Variants in CYRIB observed in about 807,000 individuals in gnomAD.
CYRIB encodes CYFIP-related Rac1 interactor B.
CYRIB carries 8 observed loss-of-function variants against 44.2 expected under a neutral mutation model. That is an observed-to-expected ratio of 0.18 (90% confidence interval 0.11 to 0.33). CYRIB has a LOEUF of 0.33. Among genes scored for constraint, CYRIB ranks in the 10% least tolerant of loss-of-function variants. CYRIB has a pLI of 1.00. For synonymous variants in CYRIB, 131 were observed against 127.2 expected (o/e 1.03, Z -0.20); for missense variants, 185 against 382.8 (o/e 0.48, Z 4.31).
chr8:129,976,101 A>C (rs975612766), intron 1 of CYRIB, among the ~76,000 whole-genome samples: 1 of 152,182 alleles, frequency 6.6e-6, no homozygotes, highest in Admixed American at 6.5e-5. Flanking sequence ...ACAAAAAAAA[A>C]ATTTAAATAA....
chr8:129,921,950 C>A (rs545736819), intron 1 of CYRIB, among the ~76,000 whole-genome samples: 1 of 152,232 alleles, frequency 6.6e-6, no homozygotes, highest in Non-Finnish European at 1.5e-5. Context: ...ATGATGGATA[C>A]AGAAGTATGG....
At chr8:129,984,456 T>C (rs1398507566) in intron 1 of CYRIB, among the ~76,000 whole-genome samples, 2 of 151,888 alleles carry the variant, frequency 1.3e-5, no homozygotes, top group Non-Finnish European at 2.9e-5. Flanking sequence ...CTCATCTCAC[T>C]GGGAAAGAAG....
At chr8:129,980,972 A>T (rs892508945) in intron 1 of CYRIB, among the ~76,000 whole-genome samples, 1 of 151,506 alleles carries the variant, frequency 6.6e-6, no homozygotes, top group African/African-American at 2.4e-5. Flanking sequence ...TAACAGAGTG[A>T]GACACTATCT....
chr8:130,002,836 G>A (rs1031442428), intron 1 of CYRIB, among the ~76,000 whole-genome samples: 6 of 152,146 alleles, frequency 3.9e-5, no homozygotes, highest in African/African-American at 1.4e-4. Context: ...GGTGGCCCAC[G>A]CCTGTAATCC....
intron 2 of CYRIB, among the ~76,000 whole-genome samples, chr8:129,952,953 G>A (rs1355497384): frequency 6.6e-6 from 1 of 152,178 alleles, no homozygotes; most frequent in Non-Finnish European, 1.5e-5. Flanking sequence ...ACTGTTACGT[G>A]TTACTGTTCT....
At chr8:129,990,415 A>G (rs1468842044) in intron 1 of CYRIB, among the ~76,000 whole-genome samples, 1 of 152,184 alleles carries the variant, frequency 6.6e-6, no homozygotes, top group Non-Finnish European at 1.5e-5. Flanking sequence ...CGTAATATGT[A>G]TAATATTTCA....
chr8:129,952,091 G>A lies in CYRIB; in HGVS notation c.-243+18852C>T, dbSNP rs565445801. On this transcript the variant is annotated intron_variant, in intron 2 of 14. Transcript: ENST00000401979. ...ACAGAGCTTCGCTCTTGTTGCCCAG[G>A]CTGAAGTGCAATGGTGCAATCTCGG... Among the ~76,000 whole-genome samples the A allele has an allele frequency of 2.0e-5, 3 of 152,328 alleles. No individual in the cohort carries two copies. In the South Asian group the frequency reaches 6.2e-4, roughly 32 times the overall value.
intron 1 of CYRIB, among the ~76,000 whole-genome samples, chr8:129,922,870 A>T (rs1321522379): frequency 6.6e-6 from 1 of 151,208 alleles, no homozygotes; most frequent in Non-Finnish European, 1.5e-5. Context: ...CTCCAAAAAA[A>T]AAACAAAAAA....
At chr8:129,971,988 A>T (rs1284598945) in intron 1 of CYRIB, among the ~76,000 whole-genome samples, 1 of 152,172 alleles carries the variant, frequency 6.6e-6, no homozygotes, top group Non-Finnish European at 1.5e-5. Flanking sequence ...AAACAGGATG[A>T]CTTTTTCTCT....
At chr8:129,872,824 A>G (rs890962210) in intron 3 of CYRIB, among the ~76,000 whole-genome samples, 7 of 152,074 alleles carry the variant, frequency 4.6e-5, no homozygotes, top group African/African-American at 1.7e-4. Context: ...ATCATATAAA[A>G]TTAGTTAACT....
At chr8:129,973,786 C>A (rs943461990) in intron 1 of CYRIB, among the ~76,000 whole-genome samples, 17 of 152,170 alleles carry the variant, frequency 1.1e-4, no homozygotes, top group African/African-American at 4.1e-4. Flanking sequence ...CATAGTGAGA[C>A]CCTGTCTCTA....
chr8:129,952,508 A>T (rs1218961613), intron 2 of CYRIB, among the ~76,000 whole-genome samples: 1 of 152,240 alleles, frequency 6.6e-6, no homozygotes, highest in East Asian at 1.9e-4. Context: ...AGAGGATCAG[A>T]GAAGGTAAAA....
At chr8:129,925,567 T>C (rs2087099076) in intron 1 of CYRIB, among the ~76,000 whole-genome samples, 1 of 152,184 alleles carries the variant, frequency 6.6e-6, no homozygotes, top group South Asian at 2.1e-4. Flanking sequence ...TTTTCCCTCA[T>C]GTGGTCTCAC....
intron 5 of CYRIB, among the ~76,000 whole-genome samples, chr8:129,862,000 C>T (rs561515520): frequency 3.9e-5 from 6 of 152,066 alleles, no homozygotes; most frequent in African/African-American, 9.6e-5. Flanking sequence ...GTATGTAAAA[C>T]GACAGATGAT....
At chr8:129,994,060 A>G (rs1414385533) in intron 1 of CYRIB, among the ~76,000 whole-genome samples, 3 of 152,226 alleles carry the variant, frequency 2.0e-5, no homozygotes, top group African/African-American at 7.2e-5. Context: ...CTTGACCCCT[A>G]ATGTCAAAGA....
At chr8:129,979,522 C>T (rs2096118407) in intron 1 of CYRIB, among the ~76,000 whole-genome samples, 1 of 152,182 alleles carries the variant, frequency 6.6e-6, no homozygotes, top group South Asian at 2.1e-4. Context: ...GCCCACAGTG[C>T]ACCTTTTGCC....
chr8:129,963,874 C>A (rs1008503925), intron 2 of CYRIB, among the ~76,000 whole-genome samples: 1 of 152,176 alleles, frequency 6.6e-6, no homozygotes, highest in Non-Finnish European at 1.5e-5. Flanking sequence ...GATTTTGATT[C>A]CATACGCTTA....
chr8:129,883,982 G>A (rs1157154824), intron 2 of CYRIB, among the ~76,000 whole-genome samples: 1 of 152,182 alleles, frequency 6.6e-6, no homozygotes, highest in African/African-American at 2.4e-5. Context: ...TGAGGCGTGG[G>A]CGGATGTGGC....
At chr8:129,901,197 C>G (rs2071594278) in intron 2 of CYRIB, among the ~76,000 whole-genome samples, 1 of 152,042 alleles carries the variant, frequency 6.6e-6, no homozygotes. Context: ...AGCTATTTCA[C>G]AAACTTCTAG....
Sources: allele counts gnomAD v4.1 joint callset (sites outside exome capture counted in the v4.1 genomes callset), GRCh38; gene constraint gnomAD v4.1.1; transcripts MANE v1.5; gene names NCBI Gene and HGNC (gene_info 2026-07-23, HGNC 2026-07-21).